The following TNFRSF19 variants were observed in gnomAD, a reference collection of about 807,000 sequenced individuals.
TNFRSF19 encodes TNF receptor superfamily member 19, also known as tumor necrosis factor receptor superfamily member 19.
A neutral mutation model predicts 46.4 loss-of-function variants in TNFRSF19; 27 were observed. The ratio of observed to expected loss-of-function variants is 0.58; its 90% CI spans 0.43 to 0.80. The LOEUF (loss-of-function observed/expected upper bound fraction) is 0.80. Among genes scored for constraint, TNFRSF19 ranks in the 30% least tolerant of loss-of-function variants. The pLI is 0.00. For synonymous variants in TNFRSF19, 204 were observed against 205.0 expected (o/e 1.00, Z 0.04); for missense variants, 511 against 530.8 (o/e 0.96, Z 0.37).
chr13:23,571,787 TCACA>T (rs767553179), intron 1 of TNFRSF19, among the ~76,000 whole-genome samples: 1 of 151,030 alleles, frequency 6.6e-6, no homozygotes, highest in African/African-American at 2.4e-5. Context: ...ACACTCACGC[TCACA>T]CACACACACA....
At chr13:23,641,427 C>T (rs904580917) in intron 5 of TNFRSF19, among the ~76,000 whole-genome samples, 12 of 152,190 alleles carry the variant, frequency 7.9e-5, no homozygotes, top group Admixed American at 1.3e-4. Context: ...CTGCCTCCCA[C>T]GTTCAAGTGT....
At chr13:23,595,893 C>G (rs765703414) in intron 3 of TNFRSF19, among the ~76,000 whole-genome samples, 1 of 152,168 alleles carries the variant, frequency 6.6e-6, no homozygotes, top group East Asian at 1.9e-4. Context: ...GGAAACCCAT[C>G]GGACTAACAG....
chr13:23,671,520 C>A (rs900507814), intron 9 of TNFRSF19, among the ~76,000 whole-genome samples: 1 of 147,828 alleles, frequency 6.8e-6, no homozygotes, highest in Admixed American at 6.7e-5. Context: ...AAAAAAAAAA[C>A]TTTAGTTGCA....
Position 23,614,746 on chromosome 13 carries a change from C to CATATACATATATATATAT in TNFRSF19, c.181-1116_181-1115insCATATATATATATATATA, listed in dbSNP as rs1555273060. Reference sequence around the variant, plus strand: ...AGCCGCTTCCTGTGGATAAGTAATACATATATATATATATATATATATAGT... The same window carrying CATATACATATATATATAT: ...AGCCGCTTCCTGTGGATAAGTAATACATATACATATATATATATATATATATATATATATATATATAGT... On this transcript the variant is annotated intron_variant, in intron 3 of 9. Coordinates refer to ENST00000248484, the MANE Select transcript of TNFRSF19 (RefSeq NM_148957.4). Among the ~76,000 whole-genome samples the CATATACATATATATATAT allele has an allele frequency of 3.0e-5, 4 of 134,866 alleles. No individual in the cohort carries two copies. The Admixed American group carries it at 3.0e-4, about 10-fold the overall frequency. 88.5% of individuals were successfully genotyped at this position (134,866 alleles called of 152,430 possible).
chr13:23,572,332 A>C (rs913774625), intron 1 of TNFRSF19, among the ~76,000 whole-genome samples: 1 of 151,250 alleles, frequency 6.6e-6, no homozygotes, highest in African/African-American at 2.4e-5. Context: ...GTTTAGTTTG[A>C]TTTTTTTTTA....
chr13:23,636,441 T>G (rs980773780), intron 5 of TNFRSF19, among the ~76,000 whole-genome samples: 2 of 152,190 alleles, frequency 1.3e-5, no homozygotes, highest in African/African-American at 2.4e-5. Flanking sequence ...TCCCAGGTTG[T>G]GAATGATCTC....
intron 2 of TNFRSF19, among the ~76,000 whole-genome samples, chr13:23,590,489 C>G (rs550746468): frequency 7.2e-5 from 11 of 152,170 alleles, no homozygotes; most frequent in Admixed American, 2.0e-4. Flanking sequence ...CACCCACCAC[C>G]ACTCCCAGCT....
Position 23,660,440 on chromosome 13 carries a change from A to G in TNFRSF19, c.686A>G (p.Tyr229Cys). Residue 229 changes from tyrosine (Y) to cysteine (C), a missense_variant, in exon 7 of 10, where the codon TAT becomes TGT. Tyr to Cys is a radical substitution (Grantham distance 194). This residue lies in a region of TNFRSF19 where 376 missense variants were observed against 372.7 expected (regional missense o/e 1.01). Coordinates refer to ENST00000248484, the MANE Select transcript of TNFRSF19 (RefSeq NM_148957.4). Reference sequence around the variant, plus strand: ...TTTGACAGACCTCAGCTCCACGAATATGCCCACAGAGCCTGCTGCCAGTGC... The same window carrying G: ...TTTGACAGACCTCAGCTCCACGAATGTGCCCACAGAGCCTGCTGCCAGTGC... ...SCFDRPQLHE[Y>C]AHRACCQCRR... 2 of 1,613,826 alleles carry G rather than the reference A, an allele frequency of 1.2e-6. No homozygotes were observed. The highest frequency in any genetic ancestry group is 2.2e-5 in the East Asian group (1 of 44,878).
At chr13:23,618,487 G>A (rs1487559487) in intron 4 of TNFRSF19, among the ~76,000 whole-genome samples, 1 of 152,118 alleles carries the variant, frequency 6.6e-6, no homozygotes, top group Non-Finnish European at 1.5e-5. Context: ...AAAACCAGAC[G>A]GTAACGGTGA....
intron 9 of TNFRSF19, among the ~76,000 whole-genome samples, chr13:23,671,013 A>G (rs997329987): frequency 6.6e-6 from 1 of 152,224 alleles, no homozygotes; most frequent in Non-Finnish European, 1.5e-5. Flanking sequence ...AAACGTCTTC[A>G]TACGAGGTCA....
At chr13:23,586,762 A>T (rs1023945378) in intron 1 of TNFRSF19, among the ~76,000 whole-genome samples, 1 of 152,190 alleles carries the variant, frequency 6.6e-6, no homozygotes, top group Non-Finnish European at 1.5e-5. Context: ...TGTGCAGCTG[A>T]ACAGCATGTT....
intron 4 of TNFRSF19, among the ~76,000 whole-genome samples, chr13:23,618,074 G>T (rs1881426121): frequency 6.6e-6 from 1 of 152,162 alleles, no homozygotes; most frequent in African/African-American, 2.4e-5. Flanking sequence ...CCAGCACCTA[G>T]GGAGCTGTAA....
At chr13:23,664,670 A>T (rs949071305) in intron 7 of TNFRSF19, among the ~76,000 whole-genome samples, 14 of 152,226 alleles carry the variant, frequency 9.2e-5, no homozygotes, top group African/African-American at 3.4e-4. Flanking sequence ...TCTTCTCAAG[A>T]AATTATCAGT....
chr13:23,669,387 G>C lies in TNFRSF19; in HGVS notation c.1245+290G>C, dbSNP rs1369603213. 6.0e-6 allele frequency: 7 copies of C among 1,173,040 alleles called. No individual in the cohort carries two copies. The African/African-American group carries it at 9.6e-5, about 16-fold the overall frequency. 72.7% of individuals were successfully genotyped at this position (1,173,040 alleles called of 1,614,324 possible). A position where few individuals can be genotyped will look rare whatever the true frequency, so the allele number is the denominator to read the frequency against. ...CTCCTTCCCTGGTTGAGAGAGGTGA[G>C]TCGGGTATGGGAGCATCTTGCAGAC... On this transcript the variant is annotated intron_variant, in intron 9 of 9. Transcript: ENST00000248484.
At chr13:23,627,755 T>C (rs772014250) in intron 5 of TNFRSF19, among the ~76,000 whole-genome samples, 15 of 152,238 alleles carry the variant, frequency 9.9e-5, no homozygotes, top group African/African-American at 3.6e-4. Flanking sequence ...CTTTTTGCTA[T>C]GGTAAAAGTC....
chr13:23,602,503 TC>T (rs1173114317), intron 3 of TNFRSF19, among the ~76,000 whole-genome samples: 6 of 152,014 alleles, frequency 3.9e-5, no homozygotes, highest in African/African-American at 1.4e-4. Context: ...ACACCATCAA[TC>T]AACTGGATAT....
intron 7 of TNFRSF19, among the ~76,000 whole-genome samples, chr13:23,666,767 A>G (rs1219117749): frequency 2.0e-5 from 3 of 152,178 alleles, no homozygotes; most frequent in African/African-American, 7.2e-5. Flanking sequence ...GGGTCAGAGC[A>G]CTGTATGTTT....
chr13:23,616,529 C>T (rs997061616), intron 4 of TNFRSF19, among the ~76,000 whole-genome samples: 6 of 152,120 alleles, frequency 3.9e-5, no homozygotes, highest in Admixed American at 3.9e-4. Flanking sequence ...TGGCAAAGAT[C>T]CCTGCCCATG....
chr13:23,667,882 G>C, intron 7 of TNFRSF19, 98 bp from the exon 8 acceptor site: 1 of 1,023,258 alleles, frequency 9.8e-7, no homozygotes, highest in Non-Finnish European at 1.4e-6. Context: ...TCACCCAAAG[G>C]GAAACATCTA....
Sources: gnomAD v4.1 joint callset for allele counts (sites outside exome capture counted in the v4.1 genomes callset) on GRCh38, gnomAD v4.1.1 for gene constraint, gnomAD v4.1.1 regional missense constraint, MANE v1.5 for transcripts, NCBI Gene and HGNC (gene_info 2026-07-23, HGNC 2026-07-21) for gene names.